The following CXADR variants were observed in gnomAD, a reference collection of about 807,000 sequenced individuals.
The protein encoded by CXADR is coxsackievirus and adenovirus receptor.
A neutral mutation model predicts 40.3 loss-of-function variants in CXADR; 20 were observed. The observed-to-expected ratio is 0.50, with a 90% CI of 0.35 to 0.72. The LOEUF (loss-of-function observed/expected upper bound fraction) is 0.72, where lower values mean the gene tolerates loss of function less well. Among genes scored for constraint, CXADR ranks in the 30% least tolerant of loss-of-function variants. The pLI is 0.01. For synonymous variants in CXADR, 150 were observed against 161.3 expected (o/e 0.93, Z 0.53); for missense variants, 332 against 449.1 (o/e 0.74, Z 2.36).
Position 17,568,192 on chromosome 21 carries a change from G to A in CXADR, c.*2500G>A. 3 of 967,392 alleles carry A rather than the reference G, an allele frequency of 3.1e-6. No individual in the cohort carries two copies. The highest frequency in any genetic ancestry group is 3.7e-6 in the Non-Finnish European group (3 of 816,074). The allele number at this position is 967,392 out of a possible 1,614,324, so 59.9% of individuals were successfully genotyped here. A position where few individuals can be genotyped will look rare whatever the true frequency, so the allele number is the denominator to read the frequency against. The stretch of plus-strand genomic sequence containing the variant: ...CACCCAGGCTGGAGTGCAGTGGCGG[G>A]ATCTCGGCTCACTGCAAGCTCCGCC... On this transcript the variant is annotated 3_prime_UTR_variant, in exon 7 of 7. Coordinates refer to ENST00000284878, the MANE Select transcript of CXADR (RefSeq NM_001338.5).
intron 1 of CXADR, among the ~76,000 whole-genome samples, chr21:17,536,526 G>A (rs961282972): frequency 3.0e-4 from 45 of 152,150 alleles, no homozygotes; most frequent in African/African-American, 9.6e-4. Flanking sequence ...TCTACTCTGA[G>A]CTCCCTCCTT....
downstream of CXADR, among the ~76,000 whole-genome samples, chr21:17,595,783 C>A (rs1386633855): frequency 6.6e-6 from 1 of 151,998 alleles, no homozygotes; most frequent in African/African-American, 2.4e-5. Context: ...ATTTTCGTTT[C>A]TTTTGGTAAA....
chr21:17,518,507 A>G (rs2060489317), intron 1 of CXADR: 2 of 880,464 alleles, frequency 2.3e-6, no homozygotes, highest in South Asian at 2.6e-5. Flanking sequence ...AGTCCATGCC[A>G]GCTTCCAAAA....
At chr21:17,582,258 C>A (rs1410666805) in intron 7 of CXADR, among the ~76,000 whole-genome samples, 1 of 152,186 alleles carries the variant, frequency 6.6e-6, no homozygotes, top group Admixed American at 6.5e-5. Flanking sequence ...GTGATGCACC[C>A]GCCTTGGCCT....
chr21:17,538,193 GT>G (rs2060783631), intron 1 of CXADR, among the ~76,000 whole-genome samples: 1 of 91,662 alleles, frequency 1.1e-5, no homozygotes, highest in Admixed American at 1.4e-4. Context: ...TAGAGATGGG[GT>G]TTCACCGTGT....
downstream of CXADR, among the ~76,000 whole-genome samples, chr21:17,570,302 G>A (rs1235114133): frequency 6.6e-6 from 1 of 152,138 alleles, no homozygotes; most frequent in Admixed American, 6.5e-5. Flanking sequence ...CCCCATTCCT[G>A]TGTGCTTATA....
In CXADR at chr21:17,539,808, C is replaced by T. The variant is rs571700621; in HGVS notation, c.44-7219C>T. Among the ~76,000 whole-genome samples the T allele has an allele frequency of 1.1e-4, 17 of 152,164 alleles. 1 individual carries two copies. In the South Asian group the frequency reaches 2.7e-3, roughly 24 times the overall value. On this transcript the variant is annotated intron_variant, in intron 1 of 6. Transcript: ENST00000284878. ...ATTTTTCCATCATTTTGCGAATTCCCAATATGTTTAAATCTTCTTGAGAAT... is the reference window on the plus strand; with the variant it reads ...ATTTTTCCATCATTTTGCGAATTCCTAATATGTTTAAATCTTCTTGAGAAT...
chr21:17,559,026 A>T lies in CXADR; in HGVS notation c.466A>T (p.Ser156Cys). 1 of 1,613,996 alleles carries T rather than the reference A, an allele frequency of 6.2e-7. No homozygotes were observed. Residue 156 changes from serine to cysteine, a missense_variant, in exon 4 of 7, where the codon AGT becomes TGT. Ser to Cys is a moderately radical substitution (Grantham distance 112, BLOSUM62 -1). Around this residue, in one of 3 missense-constraint regions of CXADR, gnomAD observed 162 missense variants for 198.5 expected, o/e 0.82. Transcript: ENST00000284878. ...CGTTGATGGATCTGAAGAAATTGGAAGTGACTTTAAGATAAAATGTGAACC... is the reference window on the plus strand; with the variant it reads ...CGTTGATGGATCTGAAGAAATTGGATGTGACTTTAAGATAAAATGTGAACC... The part of the protein sequence containing the change: ...CYVDGSEEIG[S>C]DFKIKCEPKE...
the CXADR span, among the ~76,000 whole-genome samples, chr21:17,599,890 T>C: frequency 6.6e-6 from 1 of 152,176 alleles, no homozygotes; most frequent in East Asian, 1.9e-4. Context: ...AGGGGGCCTG[T>C]TATTTATACT....
At chr21:17,629,335 G>A in the CXADR span, among the ~76,000 whole-genome samples, 1 of 147,256 alleles carries the variant, frequency 6.8e-6, no homozygotes, top group African/African-American at 2.6e-5. Context: ...AGCCAAGATG[G>A]CACCACTGTA....
chr21:17,578,760 T>C (rs1000442783), intron 7 of CXADR, among the ~76,000 whole-genome samples: 1 of 152,034 alleles, frequency 6.6e-6, no homozygotes, highest in Non-Finnish European at 1.5e-5. Flanking sequence ...GCCCCAAGGG[T>C]GCAGTGAGCC....
intron 2 of CXADR, among the ~76,000 whole-genome samples, chr21:17,548,938 A>T (rs2123256127): frequency 6.6e-6 from 1 of 152,334 alleles, no homozygotes; most frequent in African/African-American, 2.4e-5. Context: ...ATTGATGCAG[A>T]AGAGGATGCA....
At chr21:17,534,428 A>C (rs2060727776) in intron 1 of CXADR, among the ~76,000 whole-genome samples, 1 of 151,982 alleles carries the variant, frequency 6.6e-6, no homozygotes, top group African/African-American at 2.4e-5. Context: ...TGGTAGAGTT[A>C]ATTAGTGTTA....
chr21:17,605,348 T>C, the CXADR span, among the ~76,000 whole-genome samples: 4 of 152,154 alleles, frequency 2.6e-5, no homozygotes, highest in Admixed American at 6.5e-5. Flanking sequence ...CAAGTTCCTA[T>C]ACAAAAAAAT....
chr21:17,562,321 T>G (rs1178975737), intron 6 of CXADR, among the ~76,000 whole-genome samples: 1 of 144,586 alleles, frequency 6.9e-6, no homozygotes, highest in Non-Finnish European at 1.5e-5. Flanking sequence ...TGTTGGGTTT[T>G]TTGTTGTTTG....
chr21:17,619,782 A>G, the CXADR span, among the ~76,000 whole-genome samples: 1 of 152,148 alleles, frequency 6.6e-6, no homozygotes, highest in African/African-American at 2.4e-5. Context: ...CTTCTGGATA[A>G]ATTGCTTCAG....
chr21:17,539,746 C>T (rs2060803375), intron 1 of CXADR, among the ~76,000 whole-genome samples: 1 of 152,100 alleles, frequency 6.6e-6, no homozygotes, highest in African/African-American at 2.4e-5. Flanking sequence ...CCAGGCAGTT[C>T]CCTCGTGTCT....
chr21:17,527,638 T>C (rs1240840188), intron 1 of CXADR, among the ~76,000 whole-genome samples: 2 of 152,168 alleles, frequency 1.3e-5, no homozygotes. Flanking sequence ...TCATAGCAGA[T>C]ATGCTATCTG....
downstream of CXADR, chr21:17,598,506 T>C (rs1479287999): frequency 4.5e-6 from 4 of 886,818 alleles, no homozygotes; most frequent in African/African-American, 5.1e-5. Flanking sequence ...AGGCAAGAAC[T>C]ATTATCCAGA....
Sources: gnomAD v4.1 joint callset for allele counts (sites outside exome capture counted in the v4.1 genomes callset) on GRCh38, gnomAD v4.1.1 for gene constraint, gnomAD v4.1.1 regional missense constraint, MANE v1.5 for transcripts, NCBI Gene and HGNC (gene_info 2026-07-23, HGNC 2026-07-21) for gene names.